The following MAP4K4 variants were observed in gnomAD, a reference collection of about 807,000 sequenced individuals.
MAP4K4 encodes mitogen-activated protein kinase kinase kinase kinase 4.
MAP4K4 carries 38 observed loss-of-function variants against 189.6 expected under a neutral mutation model. That is an observed-to-expected ratio of 0.20 (90% CI 0.15 to 0.26). MAP4K4 has a LOEUF of 0.26. MAP4K4 is among the 10% of genes least tolerant of loss of function. The pLI is 1.00. For synonymous variants in MAP4K4, 610 were observed against 624.3 expected, an observed-to-expected ratio of 0.98 and a Z score of 0.34; for missense variants, 1,054 against 1,726.9, an observed-to-expected ratio of 0.61 and a Z score of 6.91.
At chr2:101,850,604 T>A (rs923973518) in intron 12 of MAP4K4, among the ~76,000 whole-genome samples, 1 of 152,212 alleles carries the variant, frequency 6.6e-6, no homozygotes, top group Non-Finnish European at 1.5e-5. Flanking sequence ...CTTAAAAAAA[T>A]AGTTCCAGCT....
chr2:101,793,493 A>T (rs1337373786), intron 3 of MAP4K4, among the ~76,000 whole-genome samples: 3 of 150,338 alleles, frequency 2.0e-5, no homozygotes, highest in Non-Finnish European at 4.4e-5. Flanking sequence ...ATTTTGCAGC[A>T]TGTGCTTCTG....
intron 2 of MAP4K4, among the ~76,000 whole-genome samples, chr2:101,754,694 A>C (rs543370835): frequency 1.7e-4 from 26 of 152,346 alleles, no homozygotes; most frequent in African/African-American, 6.3e-4. Flanking sequence ...CATCAAGCAG[A>C]GTTAATTCAA....
intron 20 of MAP4K4, chr2:101,867,595 T>G (rs1018616569): frequency 5.7e-6 from 2 of 352,212 alleles, no homozygotes; most frequent in African/African-American, 4.2e-5. Flanking sequence ...AGTATAGTTC[T>G]TATTTAATGA....
At chr2:101,853,571 A>G (rs1379332070) in intron 12 of MAP4K4, among the ~76,000 whole-genome samples, 3 of 152,304 alleles carry the variant, frequency 2.0e-5, no homozygotes, top group African/African-American at 7.2e-5. Context: ...TAGGAAGTGA[A>G]TACTACAGAA....
At chr2:101,867,979 C>T (rs756009205) in intron 20 of MAP4K4, 50 bp from the exon 21 acceptor site, 11 of 1,605,776 alleles carry the variant, frequency 6.9e-6, no homozygotes. Flanking sequence ...ACTGTGCATT[C>T]CTCATCAACG....
intron 2 of MAP4K4, among the ~76,000 whole-genome samples, chr2:101,755,128 A>G (rs943956526): frequency 1.3e-5 from 2 of 151,798 alleles, no homozygotes; most frequent in African/African-American, 4.8e-5. Context: ...TGAGAATGAC[A>G]GTGTTTGTCA....
At chr2:101,723,655 T>G (rs528913821) in intron 2 of MAP4K4, among the ~76,000 whole-genome samples, 1 of 152,256 alleles carries the variant, frequency 6.6e-6, no homozygotes, top group East Asian at 1.9e-4. Flanking sequence ...GAAATGATCT[T>G]TTGAAGGTTT....
intron 16 of MAP4K4, chr2:101,861,980 A>G (rs999217303): frequency 1.3e-5 from 2 of 151,724 alleles, no homozygotes; most frequent in Non-Finnish European, 2.9e-5. Context: ...CGTGCCTGAA[A>G]TCCCAGCACT....
intron 2 of MAP4K4, among the ~76,000 whole-genome samples, chr2:101,758,168 G>A (rs1162338134): frequency 2.0e-5 from 3 of 152,156 alleles, no homozygotes; most frequent in Non-Finnish European, 4.4e-5. Context: ...TGAAACCTCG[G>A]GTAATGGGGG....
chr2:101,764,506 A>G (rs1002989067), intron 2 of MAP4K4, among the ~76,000 whole-genome samples: 2 of 152,226 alleles, frequency 1.3e-5, no homozygotes, highest in African/African-American at 4.8e-5. Context: ...ATATATTAAT[A>G]TGTGCAAGGA....
chr2:101,803,048 A>G (rs749809474), intron 3 of MAP4K4, among the ~76,000 whole-genome samples: 3 of 152,076 alleles, frequency 2.0e-5, no homozygotes, highest in Non-Finnish European at 2.9e-5. Flanking sequence ...AGCCTCCCAA[A>G]GTGCTGGGGT....
intron 12 of MAP4K4, among the ~76,000 whole-genome samples, chr2:101,845,231 C>G (rs1478255565): frequency 6.6e-6 from 1 of 151,228 alleles, no homozygotes; most frequent in Non-Finnish European, 1.5e-5. Flanking sequence ...GTAAGGGATG[C>G]AGAAAACAAT....
intron 2 of MAP4K4, among the ~76,000 whole-genome samples, chr2:101,728,829 T>G (rs747891220): frequency 2.0e-5 from 3 of 152,214 alleles, no homozygotes; most frequent in Non-Finnish European, 2.9e-5. Context: ...GATCCCCTAG[T>G]TGATTTTAAT....
intron 16 of MAP4K4, among the ~76,000 whole-genome samples, chr2:101,862,884 A>G (rs1212149389): frequency 6.6e-6 from 1 of 152,254 alleles, no homozygotes; most frequent in Admixed American, 6.5e-5. Flanking sequence ...GAAAGGTTGA[A>G]CAAATTGATT....
chr2:101,856,204 T>G, intron 13 of MAP4K4, 66 bp downstream of exon 13: 1 of 1,489,296 alleles, frequency 6.7e-7, no homozygotes, highest in Non-Finnish European at 9.0e-7. Context: ...AGCTGGGGGA[T>G]TTTTAGAAAG....
At chr2:101,814,938 G>T (rs2095632729) in intron 3 of MAP4K4, among the ~76,000 whole-genome samples, 1 of 152,148 alleles carries the variant, frequency 6.6e-6, no homozygotes, top group Non-Finnish European at 1.5e-5. Flanking sequence ...TGTCCTCAAG[G>T]TCAAAGTTAG....
chr2:101,863,727 C>T, intron 16 of MAP4K4, 94 bp from the exon 17 acceptor site: 1 of 756,634 alleles, frequency 1.3e-6, no homozygotes, highest in Non-Finnish European at 2.1e-6. Flanking sequence ...GTGTATTCCG[C>T]CTCTGCCAGT....
chr2:101,859,915 G>T, intron 15 of MAP4K4, 51 bp downstream of exon 15: 3 of 1,514,218 alleles, frequency 2.0e-6, no homozygotes, highest in South Asian at 2.4e-5. Context: ...GTCGTATAAC[G>T]ACTCTTCAGA....
At chr2:101,763,747 G>T (rs547146659) in intron 2 of MAP4K4, among the ~76,000 whole-genome samples, 1 of 152,302 alleles carries the variant, frequency 6.6e-6, no homozygotes, top group South Asian at 2.1e-4. Context: ...ATCTCTATGA[G>T]AAACAAAGGT....
Sources: allele counts gnomAD v4.1 joint callset (sites outside exome capture counted in the v4.1 genomes callset), GRCh38; gene constraint gnomAD v4.1.1; transcripts MANE v1.5; gene names NCBI Gene and HGNC (gene_info 2026-07-23, HGNC 2026-07-21).